RBM46: variants seen among roughly 807,000 people sequenced by gnomAD.
The protein encoded by RBM46 is probable RNA-binding protein 46.
A neutral mutation model predicts 43.3 loss-of-function variants in RBM46; 12 were observed. The observed-to-expected ratio is 0.28, with a 90% CI of 0.18 to 0.45. RBM46 has a LOEUF of 0.45. Among genes scored for constraint, RBM46 ranks in the 20% least tolerant of loss-of-function variants. The pLI is 1.00. For synonymous variants in RBM46, 205 were observed against 207.6 expected, an observed-to-expected ratio of 0.99 and a Z score of 0.11; for missense variants, 412 against 639.1, an observed-to-expected ratio of 0.64 and a Z score of 3.83.
chr4:154,824,515 A>G (rs1310507714), intron 4 of RBM46, among the ~76,000 whole-genome samples: 2 of 152,112 alleles, frequency 1.3e-5, no homozygotes, highest in Non-Finnish European at 2.9e-5. Flanking sequence ...AATAACCATA[A>G]AAATGAAGAA....
At chr4:154,798,345 G>A in intron 3 of RBM46, 67 bp downstream of exon 3, 6 of 973,748 alleles carry the variant, frequency 6.2e-6, no homozygotes, top group South Asian at 1.9e-5. Context: ...AGTACATCAG[G>A]GATCAATATT....
chr4:154,805,059 G>A (rs866607136), intron 4 of RBM46, among the ~76,000 whole-genome samples: 45 of 152,062 alleles, frequency 3.0e-4, no homozygotes, highest in African/African-American at 9.6e-4. Flanking sequence ...TGTCAGAGAG[G>A]GGCACAACAT....
chr4:154,825,845 C>T (rs1735933065), intron 4 of RBM46, among the ~76,000 whole-genome samples: 2 of 152,268 alleles, frequency 1.3e-5, no homozygotes, highest in African/African-American at 4.8e-5. Context: ...CTTAAATAGG[C>T]TGCATTACCT....
At chr4:154,805,528 A>G (rs985879631) in intron 4 of RBM46, among the ~76,000 whole-genome samples, 2 of 151,964 alleles carry the variant, frequency 1.3e-5, no homozygotes, top group African/African-American at 4.8e-5. Context: ...CTGTTAGCTT[A>G]TCCTTTTTTT....
At chr4:154,788,824 G>A (rs1228079193) in intron 1 of RBM46, among the ~76,000 whole-genome samples, 7 of 152,156 alleles carry the variant, frequency 4.6e-5, no homozygotes, top group African/African-American at 1.7e-4. Flanking sequence ...AGCATGGAAT[G>A]TTCTTCCATT....
At chr4:154,810,602 A>G (rs1735128541) in intron 4 of RBM46, among the ~76,000 whole-genome samples, 1 of 152,196 alleles carries the variant, frequency 6.6e-6, no homozygotes, top group Admixed American at 6.5e-5. Context: ...GAGGTAGATT[A>G]TGGCTTAATA....
At chr4:154,796,943 C>A in intron 2 of RBM46, 40 bp downstream of exon 2, 3 of 1,564,118 alleles carry the variant, frequency 1.9e-6, no homozygotes, top group Non-Finnish European at 2.6e-6. Context: ...TAATCTTTAA[C>A]CTCGTCATGT....
intron 2 of RBM46, 64 bp downstream of exon 2, chr4:154,796,967 A>G (rs1294622185): frequency 1.4e-6 from 2 of 1,389,826 alleles, no homozygotes; most frequent in African/African-American, 2.9e-5. Context: ...TTAGATGTGT[A>G]TCCCCACAAG....
Position 154,798,259 on chromosome 4 carries a change from A to C in RBM46, c.600A>C (p.Ala200=). 6.3e-7 allele frequency: 1 copy of C among 1,583,164 alleles called. No individual in the cohort carries two copies. Among genetic ancestry groups the C allele is most frequent in the Non-Finnish European group, 8.6e-7 (1 of 1,168,576 alleles). The change falls in exon 3 of 5, where the codon GCA becomes GCC. Residue 200 remains alanine (A), a synonymous_variant. Coordinates refer to ENST00000281722, the MANE Select transcript of RBM46 (RefSeq NM_144979.5). ...AATCTCACAGAGCTGCTGCTATGGCAAGGAGGAAACTAATTCCAGGTAAAC... is the reference window on the plus strand; with the variant it reads ...AATCTCACAGAGCTGCTGCTATGGCCAGGAGGAAACTAATTCCAGGTAAAC... ...EYESHRAAAM[A]RRKLIPGTFQ...
chr4:154,803,138 C>G (rs904619773), intron 4 of RBM46, among the ~76,000 whole-genome samples: 15 of 152,120 alleles, frequency 9.9e-5, no homozygotes, highest in Non-Finnish European at 2.2e-4. Flanking sequence ...ATTTAGTGAT[C>G]TTACTAGCAT....
intron 1 of RBM46, chr4:154,781,798 A>G (rs1052206035): frequency 6.6e-6 from 1 of 152,456 alleles, no homozygotes; most frequent in Non-Finnish European, 1.5e-5. Flanking sequence ...CCTGTGCTGC[A>G]TTTCGTGTTA....
At chr4:154,796,446 TCTTTCA>T (rs1179503948) in intron 1 of RBM46, among the ~76,000 whole-genome samples, 2 of 152,194 alleles carry the variant, frequency 1.3e-5, no homozygotes, top group Non-Finnish European at 1.5e-5. Flanking sequence ...CTTTTTCTTC[TCTTTCA>T]CTTAATTTTG....
chr4:154,827,800 T>G, intron 4 of RBM46, 68 bp from the exon 5 acceptor site: 1 of 1,601,224 alleles, frequency 6.2e-7, no homozygotes, highest in South Asian at 1.1e-5. Flanking sequence ...GTTTAATGCT[T>G]TGTCTCTTTA....
intron 4 of RBM46, among the ~76,000 whole-genome samples, chr4:154,806,724 C>A (rs1734925700): frequency 6.6e-6 from 1 of 151,800 alleles, no homozygotes; most frequent in Admixed American, 6.6e-5. Context: ...AATTGTTTTT[C>A]AGTTATTTTC....
chr4:154,827,018 T>G, intron 4 of RBM46: 1 of 1,241,434 alleles, frequency 8.1e-7, no homozygotes, highest in South Asian at 3.5e-5. Flanking sequence ...CTTGGCTTAT[T>G]TTACACTAAA....
intron 3 of RBM46, 122 bp from the exon 4 acceptor site, chr4:154,798,660 C>A: frequency 1.3e-6 from 1 of 761,480 alleles, no homozygotes; most frequent in East Asian, 3.1e-5. Context: ...GAAACAAATG[C>A]TTAACCAAAT....
At chr4:154,789,052 G>C (rs184880332) in intron 1 of RBM46, among the ~76,000 whole-genome samples, 64 of 152,212 alleles carry the variant, frequency 4.2e-4, no homozygotes, top group African/African-American at 1.5e-3. Context: ...CTGAAGTTGC[G>C]TATCAGCTTA....
intron 4 of RBM46, chr4:154,820,218 C>T: frequency 2.3e-6 from 1 of 427,192 alleles, no homozygotes; most frequent in Non-Finnish European, 4.1e-6. Flanking sequence ...AACTATTTGC[C>T]CCTTACTTCT....
intron 1 of RBM46, among the ~76,000 whole-genome samples, chr4:154,782,700 C>G (rs1440270383): frequency 2.0e-5 from 3 of 152,164 alleles, no homozygotes; most frequent in Non-Finnish European, 4.4e-5. Flanking sequence ...CCAGGATGGT[C>G]TCGATCTCTG....
Sources: gnomAD v4.1 joint callset for allele counts (sites outside exome capture counted in the v4.1 genomes callset) on GRCh38, gnomAD v4.1.1 for gene constraint, MANE v1.5 for transcripts, NCBI Gene and HGNC (gene_info 2026-07-23, HGNC 2026-07-21) for gene names.